The following PSAT1 variants were observed in gnomAD, a reference collection of about 807,000 sequenced individuals.
PSAT1 encodes phosphoserine aminotransferase 1, also known as phosphoserine aminotransferase.
PSAT1 carries 41 observed loss-of-function variants against 40.3 expected under a neutral mutation model. That is an observed-to-expected ratio of 1.02 (90% CI 0.79 to 1.32). The LOEUF is 1.32. PSAT1 is among the 40% of genes most tolerant of loss of function. PSAT1 has a pLI of 0.00. For synonymous variants in PSAT1, 147 were observed against 170.5 expected (o/e 0.86, Z 1.07); for missense variants, 406 against 455.8 (o/e 0.89, Z 0.99).
intron 6 of PSAT1, among the ~76,000 whole-genome samples, chr9:78,309,580 C>G (rs1189401691): frequency 6.6e-6 from 1 of 152,234 alleles, no homozygotes. Flanking sequence ...TCAGGCTGCT[C>G]TTGAACTCCT....
chr9:78,305,936 G>A (rs1828175048), intron 4 of PSAT1, among the ~76,000 whole-genome samples: 1 of 152,172 alleles, frequency 6.6e-6, no homozygotes, highest in Admixed American at 6.5e-5. Context: ...GCCCGGGTTG[G>A]AGTACAGTGG....
chr9:78,307,269 T>A (rs1453204748), intron 5 of PSAT1, among the ~76,000 whole-genome samples: 1 of 152,198 alleles, frequency 6.6e-6, no homozygotes, highest in Non-Finnish European at 1.5e-5. Flanking sequence ...ACTCTAGGTA[T>A]CTCCTAGAAG....
chr9:78,314,216 C>T (rs903391146), intron 6 of PSAT1, among the ~76,000 whole-genome samples: 7 of 147,144 alleles, frequency 4.8e-5, no homozygotes, highest in South Asian at 4.5e-4. Flanking sequence ...CTGGAAGCCA[C>T]GAGGGTCCTG....
At chr9:78,299,546 C>T (rs1383162196) in intron 1 of PSAT1, among the ~76,000 whole-genome samples, 4 of 118,358 alleles carry the variant, frequency 3.4e-5, no homozygotes, top group Non-Finnish European at 6.6e-5. Flanking sequence ...AGAAGTCAAG[C>T]TCTGTCACGA....
At chr9:78,317,338 G>A (rs1828360316) in intron 6 of PSAT1, among the ~76,000 whole-genome samples, 2 of 152,076 alleles carry the variant, frequency 1.3e-5, no homozygotes, top group African/African-American at 2.4e-5. Flanking sequence ...CTGCAGCCTC[G>A]AACCCCTGGG....
intron 7 of PSAT1, among the ~76,000 whole-genome samples, chr9:78,322,145 A>G (rs1828437750): frequency 6.7e-6 from 1 of 149,346 alleles, no homozygotes; most frequent in Non-Finnish European, 1.5e-5. Flanking sequence ...AGTATATAAT[A>G]TATATTAATT....
intron 7 of PSAT1, among the ~76,000 whole-genome samples, chr9:78,325,796 A>T (rs2118707349): frequency 6.6e-6 from 1 of 152,306 alleles, no homozygotes; most frequent in Admixed American, 6.5e-5. Flanking sequence ...GTTGCATGAC[A>T]ATTTAGTCTT....
chr9:78,319,164 C>T (rs1322680200), intron 7 of PSAT1, among the ~76,000 whole-genome samples: 1 of 152,170 alleles, frequency 6.6e-6, no homozygotes, highest in Non-Finnish European at 1.5e-5. Flanking sequence ...CACATGGGAC[C>T]GACAAAACGA....
chr9:78,311,094 G>C (rs146010533), intron 6 of PSAT1, among the ~76,000 whole-genome samples: 4 of 152,156 alleles, frequency 2.6e-5, no homozygotes, highest in South Asian at 2.1e-4. Flanking sequence ...ATGCATGGTA[G>C]GGATGGGAGT....
chr9:78,300,557 G>GCAGAA (rs1477218957), intron 1 of PSAT1, 45 bp from the exon 2 acceptor site: 1 of 1,587,092 alleles, frequency 6.3e-7, no homozygotes, highest in African/African-American at 1.3e-5. Flanking sequence ...GGAAAGCAGT[G>GCAGAA]CAGAACATAT....
chr9:78,310,588 C>T (rs1828251701), intron 6 of PSAT1, among the ~76,000 whole-genome samples: 2 of 151,128 alleles, frequency 1.3e-5, no homozygotes, highest in African/African-American at 4.9e-5. Context: ...AAAATGTCTT[C>T]TACATAATTT....
intron 6 of PSAT1, among the ~76,000 whole-genome samples, chr9:78,312,089 C>T (rs1473196678): frequency 6.6e-6 from 1 of 151,350 alleles, no homozygotes; most frequent in Non-Finnish European, 1.5e-5. Flanking sequence ...TGACCATAGG[C>T]CCTGGGAACT....
chr9:78,314,923 G>A (rs2118672662), intron 6 of PSAT1, among the ~76,000 whole-genome samples: 1 of 152,220 alleles, frequency 6.6e-6, no homozygotes, highest in South Asian at 2.1e-4. Flanking sequence ...TGGAAGTATT[G>A]TTGGTGACCT....
chr9:78,302,968 A>G (rs1465209068), intron 3 of PSAT1, among the ~76,000 whole-genome samples: 1 of 152,186 alleles, frequency 6.6e-6, no homozygotes, highest in East Asian at 1.9e-4. Flanking sequence ...ATTTTTATAT[A>G]TTATATAAAC....
intron 1 of PSAT1, among the ~76,000 whole-genome samples, chr9:78,299,355 G>T (rs1341807173): frequency 6.6e-6 from 1 of 151,930 alleles, no homozygotes; most frequent in Non-Finnish European, 1.5e-5. Flanking sequence ...TCAGGAGCAA[G>T]TTCAAAGATT....
chr9:78,308,335 G>T, intron 5 of PSAT1, 79 bp from the exon 6 acceptor site: 1 of 1,510,734 alleles, frequency 6.6e-7, no homozygotes. Flanking sequence ...ATTGTGCTTC[G>T]GGAAGAGTTG....
intron 8 of PSAT1, among the ~76,000 whole-genome samples, chr9:78,328,562 T>C (rs940844162): frequency 6.6e-6 from 1 of 152,212 alleles, no homozygotes; most frequent in African/African-American, 2.4e-5. Flanking sequence ...TAGTCTTGCA[T>C]GCTCTATGAA....
intron 4 of PSAT1, among the ~76,000 whole-genome samples, chr9:78,306,053 A>G (rs775953171): frequency 1.3e-5 from 2 of 152,140 alleles, no homozygotes; most frequent in African/African-American, 2.4e-5. Flanking sequence ...ACATACCACC[A>G]TGCCCACCTT....
At chr9:78,306,846 C>T (rs1396758278) in intron 5 of PSAT1, among the ~76,000 whole-genome samples, 1 of 152,176 alleles carries the variant, frequency 6.6e-6, no homozygotes, top group African/African-American at 2.4e-5. Context: ...GAGGGAGCTT[C>T]CCCTTGCCTG....
Sources: gnomAD v4.1 joint callset for allele counts (sites outside exome capture counted in the v4.1 genomes callset) on GRCh38, gnomAD v4.1.1 for gene constraint, MANE v1.5 for transcripts, NCBI Gene and HGNC (gene_info 2026-07-23, HGNC 2026-07-21) for gene names.